MAOB: variants seen among roughly 807,000 people sequenced by gnomAD.
MAOB encodes the protein monoamine oxidase B.
MAOB carries 15 observed loss-of-function variants against 41.9 expected under a neutral mutation model. That is an observed-to-expected ratio of 0.36 (90% CI 0.24 to 0.55). The LOEUF (loss-of-function observed/expected upper bound fraction) is 0.55, where lower values mean the gene tolerates loss of function less well. Among genes scored for constraint, MAOB ranks in the 20% least tolerant of loss-of-function variants. The pLI is 0.86. For missense variants in MAOB, 345 were observed against 398.7 expected, an observed-to-expected ratio of 0.87 and a Z score of 1.15; for synonymous variants, 167 against 144.2, an observed-to-expected ratio of 1.16 and a Z score of -1.13.
intron 14 of MAOB, 112 bp from the exon 15 acceptor site, chrX:43,767,730 A>T (rs934288939): frequency 7.9e-6 from 5 of 630,662 alleles, no homozygotes; most frequent in Admixed American, 3.5e-5. Flanking sequence ...CGTCTAGACC[A>T]GTAAACACGA....
chrX:43,788,533 G>A (rs528266118), intron 8 of MAOB, among the ~76,000 whole-genome samples: 123 of 111,970 alleles, frequency 1.1e-3, no homozygotes, highest in African/African-American at 4.0e-3. Context: ...TATGGAGGAT[G>A]CTGTTTATTG....
chrX:43,788,851 A>T (rs1372853402), intron 8 of MAOB, among the ~76,000 whole-genome samples: 2 of 111,361 alleles, frequency 1.8e-5, no homozygotes, highest in African/African-American at 6.5e-5. Flanking sequence ...TTTAACATGT[A>T]TTTCCAGTAT....
chrX:43,789,596 C>T lies in MAOB; in HGVS notation c.928+3823G>A, dbSNP rs1275891184. Reference sequence around the variant, plus strand: ...AGTGGGCTAGAATGAAGGGCTGATGCATCCCGTGTAGGATGGGGTGCTGAC... The same window carrying T: ...AGTGGGCTAGAATGAAGGGCTGATGTATCCCGTGTAGGATGGGGTGCTGAC... On this transcript the variant is annotated intron_variant, in intron 8 of 14. Coordinates refer to ENST00000378069, the MANE Select transcript of MAOB (RefSeq NM_000898.5). 2.7e-5 allele frequency among the ~76,000 whole-genome samples: 3 copies of T among 111,910 alleles called. No individual in the cohort carries two copies. In the East Asian group the frequency reaches 8.4e-4, roughly 31 times the overall value.
chrX:43,806,665 G>A (rs1159642824), intron 3 of MAOB, among the ~76,000 whole-genome samples: 3 of 111,278 alleles, frequency 2.7e-5, no homozygotes, highest in Non-Finnish European at 5.7e-5. Flanking sequence ...AGGGGATGGT[G>A]GGAGCTAACT....
intron 3 of MAOB, among the ~76,000 whole-genome samples, chrX:43,824,887 A>G (rs889151109): frequency 1.8e-5 from 2 of 113,045 alleles, no homozygotes; most frequent in African/African-American, 6.4e-5. Context: ...TTTGCTCATG[A>G]AGGAGGTTCT....
intron 8 of MAOB, among the ~76,000 whole-genome samples, chrX:43,790,730 C>T (rs763265283): frequency 9.0e-6 from 1 of 110,652 alleles, no homozygotes; most frequent in South Asian, 4.0e-4. Flanking sequence ...CACAGGTGTG[C>T]ACCACTATGC....
intron 3 of MAOB, among the ~76,000 whole-genome samples, chrX:43,829,745 G>A (rs2034993180): frequency 8.9e-6 from 1 of 112,231 alleles, no homozygotes; most frequent in African/African-American, 3.2e-5. Flanking sequence ...AATTTGCGAT[G>A]TACTGTAGGG....
intron 6 of MAOB, 68 bp from the exon 7 acceptor site, chrX:43,795,956 C>T (rs1338994905): frequency 7.5e-6 from 8 of 1,062,559 alleles, no homozygotes; most frequent in Non-Finnish European, 1.0e-5. Flanking sequence ...TCTTAGTTGT[C>T]CTCACATATG....
At chrX:43,767,675 G>C (rs2034128846) in intron 14 of MAOB, 57 bp from the exon 15 acceptor site, 1 of 1,086,693 alleles carries the variant, frequency 9.2e-7, no homozygotes, top group Non-Finnish European at 1.2e-6. Context: ...ATTCCAGAAA[G>C]TCTGTACTTT....
intron 11 of MAOB, 55 bp from the exon 12 acceptor site, chrX:43,775,327 T>C: frequency 3.4e-6 from 4 of 1,170,943 alleles, no homozygotes. Flanking sequence ...CTATTTAGCC[T>C]AGAATAAATC....
At chrX:43,770,570 C>T (rs189320489) in intron 12 of MAOB, among the ~76,000 whole-genome samples, 7 of 111,707 alleles carry the variant, frequency 6.3e-5, no homozygotes, top group Non-Finnish European at 1.3e-4. Context: ...CTTAGTTATA[C>T]TTCCTCTCTC....
intron 5 of MAOB, among the ~76,000 whole-genome samples, chrX:43,800,580 A>G (rs2034580650): frequency 9.0e-6 from 1 of 111,216 alleles, no homozygotes; most frequent in African/African-American, 3.3e-5. Context: ...AACACAGGAG[A>G]GGCATAAAGA....
chrX:43,803,273 A>C (rs778613725), intron 4 of MAOB, 27 bp downstream of exon 4: 1 of 1,105,103 alleles, frequency 9.0e-7, no homozygotes, highest in South Asian at 2.4e-5. Context: ...ACAAAAAAGA[A>C]TACAAATATA....
chrX:43,818,866 CAG>C, intron 3 of MAOB, among the ~76,000 whole-genome samples: 1 of 112,242 alleles, frequency 8.9e-6, no homozygotes, highest in East Asian at 2.8e-4. Context: ...TCCATGAAAA[CAG>C]AGATTTACGG....
intron 1 of MAOB, among the ~76,000 whole-genome samples, chrX:43,875,530 C>A (rs1207664273): frequency 9.0e-6 from 1 of 111,624 alleles, no homozygotes; most frequent in African/African-American, 3.3e-5. Context: ...TAAGTTAAGC[C>A]CAGCGAATGA....
chrX:43,802,691 A>G (rs902735625), intron 4 of MAOB, among the ~76,000 whole-genome samples: 2 of 110,272 alleles, frequency 1.8e-5, no homozygotes, highest in African/African-American at 6.6e-5. Context: ...AGAAAACCAA[A>G]CACCACATGT....
intron 8 of MAOB, among the ~76,000 whole-genome samples, chrX:43,788,217 C>G (rs916517324): frequency 9.0e-6 from 1 of 110,907 alleles, no homozygotes; most frequent in African/African-American, 3.3e-5. Context: ...ACAACCAGCT[C>G]TCATGGGAAC....
intron 3 of MAOB, among the ~76,000 whole-genome samples, chrX:43,833,818 A>G (rs990562129): frequency 2.7e-5 from 3 of 111,874 alleles, no homozygotes; most frequent in Admixed American, 9.5e-5. Context: ...GAAACCTTGG[A>G]GGCGGAAAAT....
At chrX:43,796,178 C>G (rs1267407825) in intron 6 of MAOB, among the ~76,000 whole-genome samples, 1 of 111,777 alleles carries the variant, frequency 8.9e-6, no homozygotes, top group African/African-American at 3.3e-5. Flanking sequence ...CATCCCTGCT[C>G]TCTGTCCTAT....
Sources: allele counts gnomAD v4.1 joint callset (sites outside exome capture counted in the v4.1 genomes callset), GRCh38; gene constraint gnomAD v4.1.1; transcripts MANE v1.5; gene names NCBI Gene and HGNC (gene_info 2026-07-23, HGNC 2026-07-21).